Variants in CTNNA1 observed in about 807,000 individuals in gnomAD.
CTNNA1 encodes the protein catenin alpha 1, also known as catenin alpha-1.
A neutral mutation model predicts 98.4 loss-of-function variants in CTNNA1; 37 were observed. That is an observed-to-expected ratio of 0.38 (90% CI 0.29 to 0.49). The LOEUF (loss-of-function observed/expected upper bound fraction) is 0.49. CTNNA1 is among the 20% of genes least tolerant of loss of function. The probability of loss-of-function intolerance (pLI) is 0.95; values close to 1 mark genes in which losing one functional copy is unlikely to be tolerated. For synonymous variants in CTNNA1, 404 were observed against 413.2 expected, an observed-to-expected ratio of 0.98 and a Z score of 0.27; for missense variants, 761 against 1,147.2, an observed-to-expected ratio of 0.66 and a Z score of 4.86.
At chr5:138,811,014 G>A (rs1172721841) in intron 4 of CTNNA1, among the ~76,000 whole-genome samples, 74 of 151,958 alleles carry the variant, frequency 4.9e-4, no homozygotes, top group Non-Finnish European at 9.1e-4. Context: ...GGCCTGGCGG[G>A]GGCTGACCCC....
chr5:138,840,137 T>C (rs79957857), intron 7 of CTNNA1, among the ~76,000 whole-genome samples: 2,535 of 152,294 alleles, frequency 0.017, 78 homozygotes, highest in African/African-American at 0.057. Context: ...GGTGGTGTTA[T>C]TAAAAAATAT....
At chr5:138,883,463 AAGAC>A (rs1753383068) in intron 7 of CTNNA1, among the ~76,000 whole-genome samples, 1 of 152,248 alleles carries the variant, frequency 6.6e-6, no homozygotes, top group Non-Finnish European at 1.5e-5. Flanking sequence ...TAGTTTGACA[AAGAC>A]AGAATTAACA....
rs1554083936 is a variant in CTNNA1, at chr5:138,818,281, T to TGGG, written c.588+5980_588+5982dup. Reference sequence around the variant, plus strand: ...GCCATATCCAGCTTTTTTTTTTTTTTGGGAGCGGGGGTGGGTAGAGATAGG... The same window carrying TGGG: ...GCCATATCCAGCTTTTTTTTTTTTTTGGGGGGAGCGGGGGTGGGTAGAGATAGG... On this transcript the variant is annotated intron_variant, in intron 5 of 17. Transcript: ENST00000302763. Among the ~76,000 whole-genome samples, 28 of 149,112 alleles carry TGGG rather than the reference T, an allele frequency of 1.9e-4. No homozygotes were observed. In the East Asian group the frequency reaches 3.3e-3, roughly 18 times the overall value.
chr5:138,754,414 C>T (rs1050207177), intron 1 of CTNNA1: 1 of 152,094 alleles, frequency 6.6e-6, no homozygotes, highest in African/African-American at 2.4e-5. Flanking sequence ...CTTACGTCCT[C>T]TTGCATCTTG....
chr5:138,869,342 A>G (rs1014771285), intron 7 of CTNNA1: 1 of 150,418 alleles, frequency 6.6e-6, no homozygotes, highest in African/African-American at 2.4e-5. Flanking sequence ...GAAATATTTA[A>G]TTATCTATAG....
chr5:138,806,349 G>A (rs969576643), intron 3 of CTNNA1, among the ~76,000 whole-genome samples: 2 of 150,622 alleles, frequency 1.3e-5, no homozygotes, highest in Non-Finnish European at 3.0e-5. Flanking sequence ...AGTCTCGAGG[G>A]TCCTAACTTT....
chr5:138,810,121 C>G lies in CTNNA1; in HGVS notation c.385C>G (p.Arg129Gly), dbSNP rs758599826. The G allele has an allele frequency of 5.6e-6, 9 of 1,614,032 alleles. No individual in the cohort carries two copies. The highest frequency in any genetic ancestry group is 7.6e-6 in the Non-Finnish European group (9 of 1,180,032). ...GCGAGGCAACATGGTTCGGGCAGCTCGAGCTTTGCTCTCTGCTGTTACCCG... is the reference window on the plus strand; with the variant it reads ...GCGAGGCAACATGGTTCGGGCAGCTGGAGCTTTGCTCTCTGCTGTTACCCG... ...VKRGNMVRAA[R>G]ALLSAVTRLL... The change falls in exon 4 of 18, where the codon CGA becomes GGA. Residue 129 changes from arginine to glycine, a missense_variant. By Grantham distance (125) the Arg-to-Gly change is moderately radical (BLOSUM62 -2). Coordinates refer to ENST00000302763, the MANE Select transcript of CTNNA1 (RefSeq NM_001903.5).
In CTNNA1 at chr5:138,917,932, G is replaced by T. The variant is rs752389066; in HGVS notation, c.1546+34G>T. 2.5e-6 allele frequency: 4 copies of T among 1,605,234 alleles called. No individual in the cohort carries two copies. The East Asian group carries it at 8.9e-5, about 36-fold the overall frequency. ...CTGGTTCCCCAGAGAAGTATGTGAA[G>T]ATGTTCATAATTACTTTTGTCTAAG... is the stretch of plus-strand genomic sequence containing the variant. On this transcript the variant is annotated intron_variant, in intron 11 of 17. Coordinates refer to ENST00000302763, the MANE Select transcript of CTNNA1 (RefSeq NM_001903.5).
At chr5:138,788,645 A>C (rs574435625) in intron 3 of CTNNA1, among the ~76,000 whole-genome samples, 140 of 152,296 alleles carry the variant, frequency 9.2e-4, no homozygotes, top group Middle Eastern at 3.4e-3. Context: ...TGGTACATAA[A>C]TGTATTTTAT....
At chr5:138,856,657 T>G (rs1357826118) in intron 7 of CTNNA1, among the ~76,000 whole-genome samples, 1 of 152,232 alleles carries the variant, frequency 6.6e-6, no homozygotes, top group Non-Finnish European at 1.5e-5. Context: ...TTCTGTTTAA[T>G]ATTTGCACCA....
chr5:138,814,572 T>C lies in CTNNA1; in HGVS notation c.588+2270T>C, dbSNP rs189102553. ...AATGGGTTTGATACAAATTCTCTTT[T>C]GAATATGTGAAGTAAATATTAAGTT... On this transcript the variant is annotated intron_variant, in intron 5 of 17. Coordinates refer to ENST00000302763, the MANE Select transcript of CTNNA1 (RefSeq NM_001903.5). Among the ~76,000 whole-genome samples, 836 of 152,316 alleles carry C rather than the reference T, an allele frequency of 5.5e-3. 2 individuals are homozygous for C. The highest frequency in any genetic ancestry group is 9.3e-3 in the Non-Finnish European group (635 of 68,024).
intron 7 of CTNNA1, chr5:138,872,942 T>A: frequency 1.8e-6 from 2 of 1,100,274 alleles, no homozygotes; most frequent in East Asian, 2.5e-5. Context: ...AAAAATTAGA[T>A]ATGTATTTAG....
At chr5:138,761,632 G>A (rs916508941) in intron 1 of CTNNA1, among the ~76,000 whole-genome samples, 15 of 152,244 alleles carry the variant, frequency 9.9e-5, no homozygotes, top group African/African-American at 3.4e-4. Context: ...AAATTTTGGG[G>A]GTGAGTTTGG....
At chr5:138,875,744 G>T (rs759835683) in intron 7 of CTNNA1, 72 of 983,982 alleles carry the variant, frequency 7.3e-5, no homozygotes, top group Non-Finnish European at 8.2e-5. Context: ...GCAAGGTAGT[G>T]TCGCTGCACT....
At chr5:138,770,847 G>A (rs571319480) in intron 1 of CTNNA1, among the ~76,000 whole-genome samples, 1 of 152,042 alleles carries the variant, frequency 6.6e-6, no homozygotes, top group East Asian at 1.9e-4. Flanking sequence ...AGCTACTTGG[G>A]AAGCTGAGGC....
intron 3 of CTNNA1, among the ~76,000 whole-genome samples, chr5:138,795,139 G>A (rs1214460434): frequency 8.3e-6 from 1 of 120,950 alleles, no homozygotes; most frequent in African/African-American, 3.2e-5. Context: ...CTAGGTGAAG[G>A]AGTGAGACTC....
chr5:138,789,601 G>A (rs1001994801), intron 3 of CTNNA1, among the ~76,000 whole-genome samples: 3 of 152,162 alleles, frequency 2.0e-5, no homozygotes, highest in African/African-American at 7.2e-5. Flanking sequence ...GGGACTACAG[G>A]CATGTGCCAC....
At chr5:138,931,616 A>G (rs2150342058) in intron 16 of CTNNA1, 1 of 985,422 alleles carries the variant, frequency 1.0e-6, no homozygotes, top group East Asian at 1.1e-4. Flanking sequence ...ATGTATCTTG[A>G]CACAAACCAG....
intron 13 of CTNNA1, 136 bp from the exon 14 acceptor site, chr5:138,929,110 T>C (rs1417373420): frequency 1.7e-5 from 12 of 716,480 alleles, no homozygotes; most frequent in African/African-American, 5.3e-5. Context: ...TTGACTTTAT[T>C]CACCATACTG....
Sources: gnomAD v4.1 joint callset for allele counts (sites outside exome capture counted in the v4.1 genomes callset) on GRCh38, gnomAD v4.1.1 for gene constraint, MANE v1.5 for transcripts, NCBI Gene and HGNC (gene_info 2026-07-23, HGNC 2026-07-21) for gene names.